C2orf76: variants seen among roughly 807,000 people sequenced by gnomAD.
C2orf76 encodes the protein UPF0538 protein C2orf76.
C2orf76 carries 23 observed loss-of-function variants against 16.9 expected under a neutral mutation model. The observed-to-expected ratio is 1.36, with a 90% confidence interval of 0.98 to 1.93. The LOEUF is 1.93. C2orf76 is among the 30% of genes most tolerant of loss of function. The pLI, the probability that C2orf76 is intolerant of heterozygous loss-of-function variation, is 0.00. For synonymous variants in C2orf76, 48 were observed against 52.3 expected, an observed-to-expected ratio of 0.92 and a Z score of 0.35; for missense variants, 152 against 152.6, an observed-to-expected ratio of 1.00 and a Z score of 0.02.
intron 2 of C2orf76, among the ~76,000 whole-genome samples, chr2:119,330,108 T>C (rs1004450868): frequency 1.3e-5 from 2 of 152,138 alleles, no homozygotes; most frequent in Non-Finnish European, 2.9e-5. Context: ...ACACAGTGGC[T>C]CACATCTGTA....
At chr2:119,338,926 T>C (rs987300974) in intron 2 of C2orf76, 5 of 152,208 alleles carry the variant, frequency 3.3e-5, no homozygotes, top group Non-Finnish European at 7.3e-5. Flanking sequence ...CTTAGAGGTA[T>C]CTTGAAACTG....
intron 5 of C2orf76, 83 bp downstream of exon 5, chr2:119,311,539 T>C: frequency 2.6e-6 from 4 of 1,533,858 alleles, no homozygotes; most frequent in Non-Finnish European, 3.5e-6. Context: ...TACTTTCCAG[T>C]GAGTTATCCA....
chr2:119,282,344 C>A, the C2orf76 span, among the ~76,000 whole-genome samples: 1 of 152,112 alleles, frequency 6.6e-6, no homozygotes. Context: ...CTGTTCATGG[C>A]GCTGCCAGGG....
chr2:119,364,237 A>G (rs909248207), intron 1 of C2orf76, among the ~76,000 whole-genome samples: 1 of 152,196 alleles, frequency 6.6e-6, no homozygotes, highest in African/African-American at 2.4e-5. Flanking sequence ...ATATAAATAA[A>G]TAATAAATAA....
chr2:119,355,916 C>T (rs1377279221), intron 1 of C2orf76, among the ~76,000 whole-genome samples: 1 of 152,136 alleles, frequency 6.6e-6, no homozygotes. Context: ...AACATAGATG[C>T]CAAGACGTCC....
At chr2:119,340,755 T>TACACACACACAC (rs60777590) in intron 1 of C2orf76, among the ~76,000 whole-genome samples, 4 of 140,284 alleles carry the variant, frequency 2.9e-5, no homozygotes, top group East Asian at 2.2e-4. Flanking sequence ...TGCTTTCTAA[T>TACACACACACAC]ACACACACAC....
intron 4 of C2orf76, among the ~76,000 whole-genome samples, chr2:119,316,219 G>A (rs1488627452): frequency 1.3e-5 from 2 of 152,164 alleles, no homozygotes; most frequent in East Asian, 1.9e-4. Flanking sequence ...GAAATTGGAC[G>A]AAGTCCAAAT....
chr2:119,313,632 C>A (rs2104551779), intron 4 of C2orf76, among the ~76,000 whole-genome samples: 2 of 152,062 alleles, frequency 1.3e-5, no homozygotes, highest in South Asian at 4.2e-4. Context: ...AATATCTACT[C>A]ATTATACAAA....
At chr2:119,347,525 T>G (rs1391452682) in intron 1 of C2orf76, among the ~76,000 whole-genome samples, 1 of 152,164 alleles carries the variant, frequency 6.6e-6, no homozygotes, top group East Asian at 1.9e-4. Context: ...GACCTGTATT[T>G]GCTTTCAAAT....
chr2:119,296,424 C>T, the C2orf76 span, among the ~76,000 whole-genome samples: 6 of 152,124 alleles, frequency 3.9e-5, no homozygotes, highest in African/African-American at 9.7e-5. Context: ...CATGTGTACA[C>T]GTACAGTGAG....
Position 119,348,724 on chromosome 2 carries a change from G to A in C2orf76, c.-12-8753C>T, listed in dbSNP as rs116160186. 4.0e-3 allele frequency among the ~76,000 whole-genome samples: 607 copies of A among 152,138 alleles called. 4 individuals carry two copies. Among genetic ancestry groups the A allele is most frequent in the African/African-American group, 0.011 (454 of 41,506 alleles). On this transcript the variant is annotated intron_variant, in intron 1 of 5. Transcript: ENST00000334816. ...AAAAGAAGTTAAAGGGCTCGGTGCC[G>A]TGGCTCACACTTGTAATGCCAGCAC...
At chr2:119,304,301 C>A (rs1031256833) in intron 5 of C2orf76, among the ~76,000 whole-genome samples, 3 of 152,198 alleles carry the variant, frequency 2.0e-5, no homozygotes, top group Admixed American at 1.3e-4. Context: ...CAGTGCTTTG[C>A]CCACACAGCA....
chr2:119,307,108 A>C (rs1302453999), intron 5 of C2orf76, among the ~76,000 whole-genome samples: 1 of 152,052 alleles, frequency 6.6e-6, no homozygotes, highest in African/African-American at 2.4e-5. Context: ...AAATCTAACC[A>C]GACACGGCAC....
chr2:119,337,996 T>C (rs540242641), intron 2 of C2orf76, among the ~76,000 whole-genome samples: 1 of 152,300 alleles, frequency 6.6e-6, no homozygotes, highest in East Asian at 1.9e-4. Context: ...ACTTGCTGTG[T>C]CAACATTAAG....
intron 5 of C2orf76, among the ~76,000 whole-genome samples, chr2:119,308,527 G>T (rs13024865): frequency 0.25 from 37,506 of 151,938 alleles, 5,153 homozygotes; most frequent in African/African-American, 0.35. Flanking sequence ...CATAATCCCA[G>T]CTACTCAGGA....
At chr2:119,288,157 A>T in the C2orf76 span, among the ~76,000 whole-genome samples, 1 of 84,860 alleles carries the variant, frequency 1.2e-5, no homozygotes, top group East Asian at 3.7e-4. Flanking sequence ...ATTATACTTC[A>T]ATTTTTTTTT....
chr2:119,361,684 A>G (rs914644684), intron 1 of C2orf76, among the ~76,000 whole-genome samples: 5 of 152,156 alleles, frequency 3.3e-5, no homozygotes, highest in African/African-American at 7.2e-5. Context: ...CATGGAACCA[A>G]TCCCCCACAG....
intron 1 of C2orf76, among the ~76,000 whole-genome samples, chr2:119,351,335 C>T (rs972854769): frequency 2.0e-5 from 3 of 152,028 alleles, no homozygotes; most frequent in Non-Finnish European, 2.9e-5. Context: ...TGCACGTCTG[C>T]GCTATGCTTG....
intron 3 of C2orf76, among the ~76,000 whole-genome samples, chr2:119,320,158 G>C (rs756567003): frequency 3.3e-5 from 5 of 151,990 alleles, no homozygotes; most frequent in African/African-American, 1.2e-4. Flanking sequence ...TCTTTCAAAA[G>C]AACTTACATG....
Sources: gnomAD v4.1 joint callset for allele counts (sites outside exome capture counted in the v4.1 genomes callset) on GRCh38, gnomAD v4.1.1 for gene constraint, MANE v1.5 for transcripts, NCBI Gene and HGNC (gene_info 2026-07-23, HGNC 2026-07-21) for gene names.